CDH13: variants seen among roughly 807,000 people sequenced by gnomAD.
The protein encoded by CDH13 is cadherin-13.
A neutral mutation model predicts 63.8 loss-of-function variants in CDH13; 24 were observed. The ratio of observed to expected loss-of-function variants is 0.38; its 90% CI spans 0.27 to 0.53. The LOEUF (loss-of-function observed/expected upper bound fraction) is 0.53. Among genes scored for constraint, CDH13 ranks in the 20% least tolerant of loss-of-function variants. CDH13 has a pLI of 0.85. For synonymous variants in CDH13, 503 were observed against 355.3 expected (o/e 1.42, Z -4.67); for missense variants, 1,049 against 903.1 (o/e 1.16, Z -2.07).
intron 2 of CDH13, among the ~76,000 whole-genome samples, chr16:82,865,661 G>A (rs2040106709): frequency 6.6e-6 from 1 of 152,208 alleles, no homozygotes; most frequent in Admixed American, 6.5e-5. Flanking sequence ...GATGGGAAGG[G>A]CTGCCTTGAA....
intron 11 of CDH13, among the ~76,000 whole-genome samples, chr16:83,749,479 A>G (rs1912897327): frequency 6.6e-6 from 1 of 152,258 alleles, no homozygotes. Flanking sequence ...TAAGAAAAGG[A>G]AAAAATAACT....
chr16:83,553,595 C>T lies in CDH13; in HGVS notation c.961-48859C>T, dbSNP rs529799377. On this transcript the variant is annotated intron_variant, in intron 7 of 13. Transcript: ENST00000567109. ...TTTCTCAGATGGAGTATCGCTCTGT[C>T]GCCCAGGCTGGAGTGCTGAGGCACG... is the stretch of plus-strand genomic sequence containing the variant. Among the ~76,000 whole-genome samples the T allele has an allele frequency of 5.3e-5, 8 of 152,246 alleles. No individual in the cohort carries two copies. The East Asian group carries it at 5.8e-4, about 11-fold the overall frequency.
intron 4 of CDH13, among the ~76,000 whole-genome samples, chr16:83,169,427 G>A (rs187790273): frequency 1.1e-4 from 16 of 152,074 alleles, no homozygotes; most frequent in Admixed American, 7.9e-4. Flanking sequence ...TGCCTGCCTC[G>A]GCTTCCCGAA....
At chr16:82,684,582 C>T (rs1914874927) in intron 1 of CDH13, among the ~76,000 whole-genome samples, 1 of 151,992 alleles carries the variant, frequency 6.6e-6, no homozygotes, top group African/African-American at 2.4e-5. Context: ...TGGGGAGCTA[C>T]CTTAATGTAT....
At chr16:82,681,627 G>C (rs1419344862) in intron 1 of CDH13, among the ~76,000 whole-genome samples, 1 of 152,214 alleles carries the variant, frequency 6.6e-6, no homozygotes, top group Non-Finnish European at 1.5e-5. Flanking sequence ...GGCGGGAGTG[G>C]TAGCGGATGC....
rs1001827212 is a variant in CDH13 at position 82,820,292 on chromosome 16, C to T, written c.46-38070C>T. Among the ~76,000 whole-genome samples, 17 of 152,260 alleles carry T rather than the reference C, an allele frequency of 1.1e-4. No homozygotes were observed. In the East Asian group the frequency reaches 1.9e-3, roughly 17 times the overall value. ...ACAATGGGTACTGAGTACACGTTTA[C>T]GTTGGTACTCATAAAAGACCAGGAA... On this transcript the variant is annotated intron_variant, in intron 1 of 13. Coordinates refer to ENST00000567109, the MANE Select transcript of CDH13 (RefSeq NM_001257.5).
intron 5 of CDH13, among the ~76,000 whole-genome samples, chr16:83,259,816 C>G (rs1906742219): frequency 6.6e-6 from 1 of 152,074 alleles, no homozygotes; most frequent in African/African-American, 2.4e-5. Context: ...GCTTACCTAC[C>G]TTTCATGTTT....
intron 7 of CDH13, among the ~76,000 whole-genome samples, chr16:83,569,724 A>G (rs1036354970): frequency 5.9e-5 from 9 of 152,016 alleles, no homozygotes; most frequent in South Asian, 2.1e-4. Context: ...GGGGAAGCCA[A>G]TGGTTTTTTT....
chr16:83,125,889 A>G (rs1009114033), intron 4 of CDH13, among the ~76,000 whole-genome samples: 3 of 152,196 alleles, frequency 2.0e-5, no homozygotes, highest in African/African-American at 7.2e-5. Flanking sequence ...ATTTAGGTCT[A>G]CGCGTACCAC....
chr16:82,728,674 G>A (rs747571703), intron 1 of CDH13, among the ~76,000 whole-genome samples: 1 of 152,194 alleles, frequency 6.6e-6, no homozygotes, highest in East Asian at 1.9e-4. Context: ...TCAGGGTGGG[G>A]GTTGCTGAAG....
At chr16:83,182,457 G>C (rs547403601) in intron 4 of CDH13, among the ~76,000 whole-genome samples, 1 of 152,184 alleles carries the variant, frequency 6.6e-6, no homozygotes, top group Admixed American at 6.5e-5. Context: ...GGACATTTCT[G>C]TGAGTTTTGT....
chr16:82,807,011 A>C (rs535677819), intron 1 of CDH13, among the ~76,000 whole-genome samples: 2 of 152,278 alleles, frequency 1.3e-5, no homozygotes, highest in South Asian at 2.1e-4. Flanking sequence ...TGAGAAAGTA[A>C]GACTGATAAG....
chr16:83,689,842 C>T (rs1000374138), intron 10 of CDH13, among the ~76,000 whole-genome samples: 2 of 152,202 alleles, frequency 1.3e-5, no homozygotes, highest in African/African-American at 4.8e-5. Flanking sequence ...CTGCAACATA[C>T]TGGGTGCTTT....
chr16:82,876,929 C>T (rs918550288), intron 2 of CDH13, among the ~76,000 whole-genome samples: 7 of 152,166 alleles, frequency 4.6e-5, no homozygotes, highest in African/African-American at 1.4e-4. Flanking sequence ...CTATCTCAAG[C>T]GTCATTTAGG....
chr16:83,324,723 G>A (rs2090321052), intron 5 of CDH13, among the ~76,000 whole-genome samples: 1 of 152,222 alleles, frequency 6.6e-6, no homozygotes, highest in Non-Finnish European at 1.5e-5. Context: ...AGTGTTTTGT[G>A]TGTGGGGACA....
intron 2 of CDH13, among the ~76,000 whole-genome samples, chr16:82,986,580 A>G (rs184650933): frequency 1.3e-4 from 20 of 152,300 alleles, no homozygotes; most frequent in Admixed American, 1.2e-3. Flanking sequence ...CCTCTGCTGG[A>G]TTTAACTCTA....
intron 1 of CDH13, among the ~76,000 whole-genome samples, chr16:82,691,354 C>T (rs1915626248): frequency 6.6e-6 from 1 of 152,286 alleles, no homozygotes; most frequent in Non-Finnish European, 1.5e-5. Context: ...ATAGCCTGAG[C>T]ATGTGGCAGG....
intron 5 of CDH13, among the ~76,000 whole-genome samples, chr16:83,264,029 G>C (rs1392144376): frequency 6.6e-6 from 1 of 152,088 alleles, no homozygotes; most frequent in Non-Finnish European, 1.5e-5. Flanking sequence ...ACCTATTGTG[G>C]CTCTACATCC....
intron 7 of CDH13, among the ~76,000 whole-genome samples, chr16:83,588,076 G>A (rs373577013): frequency 6.6e-6 from 1 of 152,100 alleles, no homozygotes; most frequent in South Asian, 2.1e-4. Flanking sequence ...CTGAGCCTGG[G>A]GCTGGGACCA....
Sources: allele counts gnomAD v4.1 joint callset (sites outside exome capture counted in the v4.1 genomes callset), GRCh38; gene constraint gnomAD v4.1.1; transcripts MANE v1.5; gene names NCBI Gene and HGNC (gene_info 2026-07-23, HGNC 2026-07-21).